The following KIAA1217 variants were observed in gnomAD, a reference collection of about 807,000 sequenced individuals.
The protein encoded by KIAA1217 is sickle tail protein homolog.
Under a neutral mutation model 163.9 loss-of-function variants are expected in KIAA1217, and 88 were observed. The observed-to-expected ratio is 0.54, with a 90% CI of 0.45 to 0.64. KIAA1217 has a LOEUF of 0.64. Ranked by LOEUF, KIAA1217 falls within the 30% of genes least tolerant of loss-of-function variation. The pLI, the probability that KIAA1217 is intolerant of heterozygous loss-of-function variation, is 0.00. For missense variants in KIAA1217, 2,372 were observed against 2,475.0 expected, an observed-to-expected ratio of 0.96 and a Z score of 0.88; for synonymous variants, 903 against 923.1, an observed-to-expected ratio of 0.98 and a Z score of 0.39.
chr10:23,750,915 T>C (rs188048893), intron 1 of KIAA1217, among the ~76,000 whole-genome samples: 2 of 152,272 alleles, frequency 1.3e-5, no homozygotes, highest in African/African-American at 4.8e-5. Context: ...CTACTCATGA[T>C]GTGCTGACCT....
At chr10:23,808,092 G>A (rs981065625) in intron 1 of KIAA1217, among the ~76,000 whole-genome samples, 2 of 152,216 alleles carry the variant, frequency 1.3e-5, no homozygotes, top group African/African-American at 2.4e-5. Flanking sequence ...GCAGATGTAA[G>A]GTCTGGATTT....
chr10:23,729,475 C>G lies in KIAA1217; in HGVS notation c.-321+34241C>G, dbSNP rs369854064. On this transcript the variant is annotated intron_variant, in intron 1 of 18. Coordinates refer to the KIAA1217 transcript ENST00000376462. ...GCTAGCATTTGGTGGTGTCAGAGTT[C>G]TATATTTTGACTATTTTAATAGGTA... Among the ~76,000 whole-genome samples the G allele has an allele frequency of 3.9e-5, 6 of 152,152 alleles. No homozygotes were observed. In the East Asian group the frequency reaches 5.8e-4, roughly 15 times the overall value.
intron 2 of KIAA1217, among the ~76,000 whole-genome samples, chr10:24,012,893 C>G (rs541717218): frequency 6.6e-6 from 1 of 152,220 alleles, no homozygotes; most frequent in African/African-American, 2.4e-5. Context: ...GATGATAAAT[C>G]ACATCCTAAC....
chr10:24,499,112 C>T (rs1052037864), intron 8 of KIAA1217, among the ~76,000 whole-genome samples: 3 of 152,036 alleles, frequency 2.0e-5, no homozygotes, highest in Admixed American at 6.5e-5. Flanking sequence ...AGTGTGTGTG[C>T]GCCTATCCCT....
At chr10:23,998,611 T>C (rs1554837711) in intron 1 of KIAA1217, among the ~76,000 whole-genome samples, 1 of 152,260 alleles carries the variant, frequency 6.6e-6, no homozygotes, top group Non-Finnish European at 1.5e-5. Context: ...CTTTCTACCA[T>C]GTTTGATACA....
intron 2 of KIAA1217, among the ~76,000 whole-genome samples, chr10:24,114,220 A>G (rs1318145475): frequency 6.6e-6 from 1 of 152,174 alleles, no homozygotes; most frequent in East Asian, 1.9e-4. Flanking sequence ...GGTGAAGGAA[A>G]CACTCCAGAA....
intron 1 of KIAA1217, among the ~76,000 whole-genome samples, chr10:23,728,115 C>T (rs905435161): frequency 1.3e-5 from 2 of 152,058 alleles, no homozygotes; most frequent in Non-Finnish European, 2.9e-5. Context: ...CATACATGTG[C>T]GTGTATCTTT....
chr10:23,712,649 T>C (rs2130739289), intron 1 of KIAA1217, among the ~76,000 whole-genome samples: 1 of 152,224 alleles, frequency 6.6e-6, no homozygotes, highest in South Asian at 2.1e-4. Context: ...TCATTGCAAA[T>C]GTCAGGAGCA....
chr10:23,936,920 C>G (rs1843553529), intron 1 of KIAA1217, among the ~76,000 whole-genome samples: 1 of 152,006 alleles, frequency 6.6e-6, no homozygotes, highest in Non-Finnish European at 1.5e-5. Flanking sequence ...TCTTTGTCAC[C>G]CAGACTGGAG....
chr10:24,058,776 T>C (rs1207695991), intron 2 of KIAA1217, among the ~76,000 whole-genome samples: 1 of 152,178 alleles, frequency 6.6e-6, no homozygotes, highest in East Asian at 1.9e-4. Flanking sequence ...GTTTACCTTT[T>C]TTTTCTTAAA....
intron 2 of KIAA1217, among the ~76,000 whole-genome samples, chr10:24,143,151 A>C (rs1044646367): frequency 2.6e-5 from 4 of 152,224 alleles, no homozygotes; most frequent in African/African-American, 9.6e-5. Context: ...CCATTTCTGC[A>C]TAGAAATCTC....
intron 2 of KIAA1217, among the ~76,000 whole-genome samples, chr10:24,133,738 G>A (rs2063739223): frequency 6.6e-6 from 1 of 152,180 alleles, no homozygotes; most frequent in African/African-American, 2.4e-5. Flanking sequence ...CCATTTGCCT[G>A]TGGGCAGCCA....
rs1419486067 is a variant in KIAA1217, at chr10:24,520,230, G to A, written c.2285G>A (p.Gly762Glu). ...EDGAFLLRQV[G>E]EAVATLKGEF... is the part of the protein sequence containing the mutation. Reference sequence around the variant, plus strand: ...GGGGCTTTCCTCCTGCGTCAAGTGGGAGAGGCTGTAGCTACCCTGAAAGGT... The same window carrying A: ...GGGGCTTTCCTCCTGCGTCAAGTGGAAGAGGCTGTAGCTACCCTGAAAGGT... Residue 762 changes from glycine to glutamate, a missense_variant, in exon 11 of 21, where the codon GGA (glycine) becomes GAA (glutamate). Gly to Glu is a moderately conservative substitution (Grantham distance 98). This residue lies in a region of KIAA1217 where 1,431 missense variants were observed against 1,470.3 expected (regional missense o/e 0.97). Transcript: ENST00000376454. 3.1e-6 allele frequency: 5 copies of A among 1,614,020 alleles called. No homozygotes were observed. The highest frequency in any genetic ancestry group is 4.2e-6 in the Non-Finnish European group (5 of 1,180,014).
intron 1 of KIAA1217, among the ~76,000 whole-genome samples, chr10:23,944,267 A>G (rs7071170): frequency 0.17 from 25,123 of 152,028 alleles, 4,623 homozygotes; most frequent in African/African-American, 0.46. Context: ...TCTACTAAAA[A>G]TACAAAAATT....
intron 6 of KIAA1217, among the ~76,000 whole-genome samples, chr10:24,478,963 C>G (rs2133237552): frequency 6.6e-6 from 1 of 152,294 alleles, no homozygotes; most frequent in South Asian, 2.1e-4. Context: ...TTTTCAGGAC[C>G]CAGTAAACTT....
intron 2 of KIAA1217, among the ~76,000 whole-genome samples, chr10:24,089,041 G>T (rs1471605002): frequency 8.0e-6 from 1 of 125,154 alleles, no homozygotes; most frequent in Non-Finnish European, 2.0e-5. Context: ...TTCTCTGATG[G>T]CCAGTGGTGA....
At chr10:24,015,571 C>T (rs563710198) in intron 2 of KIAA1217, among the ~76,000 whole-genome samples, 20 of 151,790 alleles carry the variant, frequency 1.3e-4, no homozygotes, top group Non-Finnish European at 2.6e-4. Flanking sequence ...GCCTGGCCAA[C>T]GTGGTAAAAC....
chr10:24,368,791 T>C (rs2051150335), intron 2 of KIAA1217: 1 of 955,308 alleles, frequency 1.0e-6, no homozygotes, highest in African/African-American at 1.8e-5. Flanking sequence ...CCAAGAACAG[T>C]AGGAAGCTGA....
chr10:24,145,677 T>C (rs983036790), intron 2 of KIAA1217, among the ~76,000 whole-genome samples: 33 of 152,108 alleles, frequency 2.2e-4, no homozygotes, highest in African/African-American at 7.7e-4. Flanking sequence ...ACCTCAAAAG[T>C]AGGGAAGCCA....
Sources: allele counts gnomAD v4.1 joint callset (sites outside exome capture counted in the v4.1 genomes callset), GRCh38; gene constraint gnomAD v4.1.1; regional missense constraint gnomAD v4.1.1; transcripts MANE v1.5; gene names NCBI Gene and HGNC (gene_info 2026-07-23, HGNC 2026-07-21).